PCDHGA4: variants seen among roughly 807,000 people sequenced by gnomAD.
The protein encoded by PCDHGA4 is protocadherin gamma-A4.
PCDHGA4 carries 38 observed loss-of-function variants against 54.6 expected under a neutral mutation model. The observed-to-expected ratio is 0.70, with a 90% confidence interval of 0.54 to 0.91. The LOEUF is 0.91. PCDHGA4 is among the 40% of genes least tolerant of loss of function. The pLI is 0.00. For missense variants in PCDHGA4, 1,298 were observed against 1,220.9 expected (o/e 1.06, Z -0.94); for synonymous variants, 511 against 512.9 (o/e 1.00, Z 0.05).
chr5:141,367,194 C>G (rs1212197084), intron 1 of PCDHGA4: 4 of 158,964 alleles, frequency 2.5e-5, no homozygotes, highest in African/African-American at 9.7e-5. Flanking sequence ...AAATAATTTA[C>G]AGTATTTACA....
At chr5:141,442,029 A>C in intron 1 of PCDHGA4, 1 of 210,292 alleles carries the variant, frequency 4.8e-6, no homozygotes, top group Non-Finnish European at 9.8e-6. Context: ...CAGGAAAGCG[A>C]CTCGCCAGCG....
At chr5:141,372,747 G>C (rs749618566) in intron 1 of PCDHGA4, 2 of 1,613,418 alleles carry the variant, frequency 1.2e-6, no homozygotes, top group Non-Finnish European at 1.7e-6. Flanking sequence ...ATGTGATGAA[G>C]CCTCTTGGTT....
intron 1 of PCDHGA4, chr5:141,400,024 G>C (rs2093943300): frequency 6.2e-7 from 1 of 1,612,894 alleles, no homozygotes; most frequent in Non-Finnish European, 8.5e-7. Flanking sequence ...CGACAGGGAC[G>C]CGGCCCGCCA....
intron 1 of PCDHGA4, chr5:141,403,482 A>G (rs764737675): frequency 5.0e-6 from 8 of 1,613,774 alleles, no homozygotes; most frequent in Non-Finnish European, 6.8e-6. Context: ...CCCAATCACC[A>G]CTTCTCCCTG....
chr5:141,385,108 A>C, intron 1 of PCDHGA4: 1 of 1,614,126 alleles, frequency 6.2e-7, no homozygotes, highest in Non-Finnish European at 8.5e-7. Flanking sequence ...GAACGTGCCC[A>C]CCTCGCACTT....
chr5:141,397,967 C>T (rs931333276), intron 1 of PCDHGA4: 2 of 1,110,472 alleles, frequency 1.8e-6, no homozygotes, highest in Non-Finnish European at 2.5e-6. Context: ...CTCAGACTCC[C>T]CAGCGCCGGC....
intron 1 of PCDHGA4, among the ~76,000 whole-genome samples, chr5:141,452,353 AG>A (rs556616398): frequency 5.9e-5 from 9 of 152,206 alleles, no homozygotes; most frequent in Non-Finnish European, 1.3e-4. Context: ...TTTATCCAAA[AG>A]CCTTGCTTCA....
Position 141,486,032 on chromosome 5 carries a change from G to C in PCDHGA4, c.2515-8775G>C, listed in dbSNP as rs560909128. The C allele has an allele frequency of 1.2e-6, 2 of 1,614,166 alleles. No individual in the cohort carries two copies. Among genetic ancestry groups the C allele is most frequent in the African/African-American group, 2.7e-5 (2 of 75,034 alleles). On this transcript the variant is annotated intron_variant, in intron 1 of 3. Transcript: ENST00000571252. This position sits in a 1 kb window ranked among gnomAD's most constrained non-coding sequence, Gnocchi z 5.0. ...CTTTTATTTCAGTGGTCATACCCCT[G>C]ATCGTGTAAGAAACCTCTTTAGCCT... is the stretch of plus-strand genomic sequence containing the variant.
chr5:141,408,806 C>A (rs1368887332), intron 1 of PCDHGA4: 2 of 1,612,894 alleles, frequency 1.2e-6, no homozygotes, highest in African/African-American at 1.3e-5. Flanking sequence ...ACTCCTAGAC[C>A]GGGAAGAACA....
chr5:141,404,787 G>A (rs1561696267), intron 1 of PCDHGA4: 23 of 1,613,988 alleles, frequency 1.4e-5, no homozygotes, highest in Non-Finnish European at 1.9e-5. Context: ...TTCAAGGCCA[G>A]TGAGCCAGGG....
chr5:141,375,443 C>T, intron 1 of PCDHGA4: 2 of 1,614,022 alleles, frequency 1.2e-6, no homozygotes, highest in African/African-American at 1.3e-5. Flanking sequence ...CACCTTCCCC[C>T]ATTCATCCTA....
At chr5:141,419,548 G>C in intron 1 of PCDHGA4, 1 of 1,611,976 alleles carries the variant, frequency 6.2e-7, no homozygotes, top group Non-Finnish European at 8.5e-7. Context: ...CGCGGGTGCT[G>C]TACCCTGCGC....
At chr5:141,466,549 T>C (rs778708029) in intron 1 of PCDHGA4, among the ~76,000 whole-genome samples, 2 of 152,244 alleles carry the variant, frequency 1.3e-5, no homozygotes, top group African/African-American at 2.4e-5. Flanking sequence ...GGTCTTTTGC[T>C]GTGGGCTTCA....
rs1029546280 is a variant in PCDHGA4 at position 141,423,551 on chromosome 5, A to G, written c.2514+65930A>G. On this transcript the variant is annotated intron_variant, in intron 1 of 3. Coordinates refer to ENST00000571252, the MANE Select transcript of PCDHGA4 (RefSeq NM_018917.4). ...AGTCACCTGATTTTCCCCCAGCCCA[A>G]CTATGGGGACACGCTCATCAGCCAG... The G allele has an allele frequency of 2.5e-6, 4 of 1,613,498 alleles. No individual in the cohort carries two copies. The African/African-American group carries it at 5.3e-5, about 22-fold the overall frequency.
intron 1 of PCDHGA4, chr5:141,378,052 C>A (rs75561194): frequency 5.8e-4 from 88 of 152,282 alleles, no homozygotes; most frequent in African/African-American, 2.0e-3. Context: ...CCTTATCTAT[C>A]TGACTCAAAT....
intron 1 of PCDHGA4, chr5:141,375,721 G>T (rs1194190814): frequency 6.2e-7 from 1 of 1,614,266 alleles, no homozygotes; most frequent in South Asian, 1.1e-5. Context: ...GCAGCAACGT[G>T]TCACTGAGCC....
At position 141,356,033 on chromosome 5, in the gene PCDHGA4, C is replaced by T. The variant is rs766818568; in HGVS notation, c.926C>T (p.Thr309Met). Residue 309 changes from threonine to methionine, a missense_variant, in exon 1 of 4, where the codon ACG (threonine) becomes ATG (methionine). Thr to Met is a moderately conservative substitution (Grantham distance 81). Coordinates refer to ENST00000571252, the MANE Select transcript of PCDHGA4 (RefSeq NM_018917.4). Reference sequence around the variant, plus strand: ...GATGAAGGAGCCAATGGAGACGTGACGTATTCTTTCCGGAAAGTAAGAGAC... The same window carrying T: ...GATGAAGGAGCCAATGGAGACGTGATGTATTCTTTCCGGAAAGTAAGAGAC... ...DPDEGANGDV[T>M]YSFRKVRDKI... 6.2e-6 allele frequency: 10 copies of T among 1,613,946 alleles called. No homozygotes were observed. The Middle Eastern group carries it at 4.9e-4, about 80-fold the overall frequency.
intron 1 of PCDHGA4, chr5:141,396,605 G>A (rs2093403616): frequency 6.6e-6 from 1 of 151,594 alleles, no homozygotes; most frequent in Non-Finnish European, 1.5e-5. Flanking sequence ...GGGCAACAGG[G>A]TGAGACTCCG....
intron 1 of PCDHGA4, chr5:141,389,406 G>C (rs1235613335): frequency 2.5e-6 from 4 of 1,613,514 alleles, no homozygotes; most frequent in Non-Finnish European, 3.4e-6. Flanking sequence ...CATAAGCGCG[G>C]AGAGCGGGGT....
Sources: gnomAD v4.1 joint callset for allele counts (sites outside exome capture counted in the v4.1 genomes callset) on GRCh38, gnomAD v4.1.1 for gene constraint, Gnocchi (gnomAD v3.1) non-coding constraint, MANE v1.5 for transcripts, NCBI Gene and HGNC (gene_info 2026-07-23, HGNC 2026-07-21) for gene names.